HNRNPR: variants seen among roughly 807,000 people sequenced by gnomAD.
HNRNPR encodes heterogeneous nuclear ribonucleoprotein R.
A neutral mutation model predicts 70.3 loss-of-function variants in HNRNPR; 4 were observed. That is an observed-to-expected ratio of 0.06 (90% CI 0.03 to 0.13). HNRNPR has a LOEUF of 0.13. Ranked by LOEUF, HNRNPR falls within the 10% of genes least tolerant of loss-of-function variation. The pLI is 1.00. For synonymous variants in HNRNPR, 241 were observed against 267.6 expected (o/e 0.90, Z 0.97); for missense variants, 423 against 788.5 (o/e 0.54, Z 5.55).
At chr1:23,322,643 T>C (rs1195500672) in intron 6 of HNRNPR, among the ~76,000 whole-genome samples, 1 of 152,100 alleles carries the variant, frequency 6.6e-6, no homozygotes, top group Non-Finnish European at 1.5e-5. Context: ...AACTTAATAT[T>C]AAATAAACAA....
In HNRNPR at chr1:23,322,013, T is replaced by C. The variant is rs1376214171; in HGVS notation, c.676-350A>G. 3.9e-5 allele frequency among the ~76,000 whole-genome samples: 6 copies of C among 152,146 alleles called. No homozygotes were observed. The South Asian group carries it at 8.3e-4, about 21-fold the overall frequency. ...TCATTCAGGGTCCTTGGAAATGTAATTGCATATAGGTAAGCCATACTCAAA... is the reference window on the plus strand; with the variant it reads ...TCATTCAGGGTCCTTGGAAATGTAACTGCATATAGGTAAGCCATACTCAAA... On this transcript the variant is annotated intron_variant, in intron 6 of 10. Transcript: ENST00000302271.
intron 1 of HNRNPR, among the ~76,000 whole-genome samples, chr1:23,343,729 C>A (rs752857005): frequency 6.6e-6 from 1 of 152,232 alleles, no homozygotes; most frequent in Non-Finnish European, 1.5e-5. Flanking sequence ...TCTCCCGGCT[C>A]AGATAACCCT....
At chr1:23,336,855 T>C (rs1203058075) in intron 4 of HNRNPR, among the ~76,000 whole-genome samples, 1 of 152,120 alleles carries the variant, frequency 6.6e-6, no homozygotes, top group Non-Finnish European at 1.5e-5. Flanking sequence ...TGGTCTTTCA[T>C]TAAAAGCTGT....
In HNRNPR at chr1:23,318,847, T is replaced by C; in HGVS notation, c.812-159A>G. 3 of 663,478 alleles carry C rather than the reference T, an allele frequency of 4.5e-6. No homozygotes were observed. The highest frequency in any genetic ancestry group is 7.8e-6 in the Non-Finnish European group (3 of 384,442). The allele number at this position is 663,478 out of a possible 1,614,324, so 41.1% of individuals were successfully genotyped here. On this transcript the variant is annotated intron_variant, in intron 7 of 10. Coordinates refer to ENST00000302271, the MANE Select transcript of HNRNPR (RefSeq NM_005826.5). This position sits in a 1 kb window ranked among gnomAD's most constrained non-coding sequence, Gnocchi z 4.2. ...ACAATTAGATCAACATAATTAGATATGGGGTTTGGGACAGTATTTGATGTT... is the reference window on the plus strand; with the variant it reads ...ACAATTAGATCAACATAATTAGATACGGGGTTTGGGACAGTATTTGATGTT...
At chr1:23,340,642 A>G (rs1190306364) in intron 2 of HNRNPR, among the ~76,000 whole-genome samples, 1 of 152,212 alleles carries the variant, frequency 6.6e-6, no homozygotes, top group Non-Finnish European at 1.5e-5. Flanking sequence ...AACAACTAAG[A>G]CTGCATATTC....
chr1:23,310,573 C>G lies in HNRNPR; in HGVS notation c.1783G>C (p.Gly595Arg). 1 of 1,614,196 alleles carries G rather than the reference C, an allele frequency of 6.2e-7. No homozygotes were observed. Among genetic ancestry groups the G allele is most frequent in the East Asian group, 2.2e-5 (1 of 44,886 alleles). Residue 595 changes from glycine (G) to arginine (R), a missense_variant, in exon 11 of 11, where the codon GGT becomes CGT. This residue lies in a region of HNRNPR where 39 missense variants were observed against 53.2 expected (regional missense o/e 0.73). Coordinates refer to ENST00000302271, the MANE Select transcript of HNRNPR (RefSeq NM_005826.5). The surrounding 1 kb of genome is among the most constrained non-coding windows in gnomAD (Gnocchi z 6.0). Reference protein sequence around the residue: ...RRQTNNQQNWGSQPIAQQPLQ... With the variant: ...RRQTNNQQNWRSQPIAQQPLQ... ...GGCTGCTGAGCGATGGGTTGGGAAC[C>G]CCAGTTCTGTTGGTTGTTGGTCTGA...
intron 7 of HNRNPR, among the ~76,000 whole-genome samples, chr1:23,319,231 T>C (rs929745311): frequency 6.6e-6 from 1 of 152,232 alleles, no homozygotes; most frequent in African/African-American, 2.4e-5. Flanking sequence ...CCTATACCCT[T>C]ATAAATACTT....
intron 5 of HNRNPR, among the ~76,000 whole-genome samples, chr1:23,333,214 C>A (rs1354615002): frequency 6.6e-6 from 1 of 151,908 alleles, no homozygotes; most frequent in African/African-American, 2.4e-5. Flanking sequence ...CAGAATAAAG[C>A]AATTGCGTCT....
chr1:23,309,192 A>G lies in HNRNPR; in HGVS notation c.*1262T>C, dbSNP rs1645252027. ...AGAAAGTCAAAGGTATTACTACTGG[A>G]TATTTTTAAGCCTCTCTTACAAGGC... On this transcript the variant is annotated 3_prime_UTR_variant, in exon 11 of 11. Coordinates refer to ENST00000302271, the MANE Select transcript of HNRNPR (RefSeq NM_005826.5). The G allele has an allele frequency of 6.6e-6, 1 of 152,166 alleles. No individual in the cohort carries two copies. The highest frequency in any genetic ancestry group is 6.5e-5 in the Admixed American group (1 of 15,282). The allele number at this position is 152,166 out of a possible 1,614,324, so 9.4% of individuals were successfully genotyped here.
chr1:23,326,053 G>A (rs890495367), intron 5 of HNRNPR, among the ~76,000 whole-genome samples: 2 of 152,118 alleles, frequency 1.3e-5, no homozygotes, highest in African/African-American at 2.4e-5. Flanking sequence ...GTTGGGGGAA[G>A]AGAGAGGCTC....
At chr1:23,321,163 C>CAAAAAAAAAAAAAAAAAA (rs58123581) in intron 7 of HNRNPR, among the ~76,000 whole-genome samples, 13 of 98,140 alleles carry the variant, frequency 1.3e-4, no homozygotes, top group African/African-American at 5.9e-4. Context: ...AACTCCGTCT[C>CAAAAAAAAAAAAAAAAAA]AAAAAAAAAA....
intron 5 of HNRNPR, among the ~76,000 whole-genome samples, chr1:23,327,193 G>A (rs779140885): frequency 3.3e-5 from 5 of 152,038 alleles, no homozygotes; most frequent in Admixed American, 2.0e-4. Flanking sequence ...GTTGCTCCAC[G>A]TAAATGCCTA....
At chr1:23,338,163 C>T (rs1266181960) in intron 3 of HNRNPR, 1 of 321,488 alleles carries the variant, frequency 3.1e-6, no homozygotes, top group Non-Finnish European at 5.6e-6. Context: ...CCTACATTTT[C>T]CTCCAAGATA....
At chr1:23,343,088 C>A (rs1646765590) in intron 1 of HNRNPR, among the ~76,000 whole-genome samples, 1 of 152,132 alleles carries the variant, frequency 6.6e-6, no homozygotes, top group African/African-American at 2.4e-5. Context: ...CCATTTGAAA[C>A]TCATTCAAAT....
In HNRNPR at chr1:23,322,615, T is replaced by A. The variant is rs147502498; in HGVS notation, c.675+941A>T. Among the ~76,000 whole-genome samples, 475 of 152,294 alleles carry A rather than the reference T, an allele frequency of 3.1e-3. 1 individual carries two copies. The highest frequency in any genetic ancestry group is 0.01 in the Middle Eastern group (3 of 294). The stretch of plus-strand genomic sequence containing the variant: ...TGATTATTAAAAATAAAATCATCCA[T>A]ATGCTGCCAAAAATGAAAACTTAAT... On this transcript the variant is annotated intron_variant, in intron 6 of 10. Transcript: ENST00000302271.
At chr1:23,317,961 C>T (rs1645615268) in intron 8 of HNRNPR, among the ~76,000 whole-genome samples, 1 of 151,606 alleles carries the variant, frequency 6.6e-6, no homozygotes, top group Admixed American at 6.6e-5. Context: ...GCCTGGGCAA[C>T]ACAGCAAGAC....
Position 23,323,676 on chromosome 1 carries a change from A to C in HNRNPR, c.555T>G (p.Phe185Leu). The change falls in exon 6 of 11, where the codon TTT becomes TTG. Residue 185 changes from phenylalanine to leucine, a missense_variant. Phe to Leu is a conservative substitution (Grantham distance 22). Transcript: ENST00000302271. ...GATCCCAAATGGGTCCGGCCTTCTC[A>C]AAAAGGGGCACCAACTCATCCTCAT... ...DLYEDELVPLFEKAGPIWDLR... is the reference protein window; with the variant it reads ...DLYEDELVPLLEKAGPIWDLR... 1 of 1,614,106 alleles carries C rather than the reference A, an allele frequency of 6.2e-7. No individual in the cohort carries two copies. Among genetic ancestry groups the C allele is most frequent in the Non-Finnish European group, 8.5e-7 (1 of 1,179,964 alleles).
At chr1:23,339,432 A>T (rs552084409) in intron 2 of HNRNPR, among the ~76,000 whole-genome samples, 10 of 152,348 alleles carry the variant, frequency 6.6e-5, no homozygotes, top group Admixed American at 4.6e-4. Flanking sequence ...CATATATGTA[A>T]GTATATTCAA....
rs1309370063 is a variant in HNRNPR at position 23,318,270 on chromosome 1, T to G, written c.1017+213A>C. 6.6e-6 allele frequency among the ~76,000 whole-genome samples: 1 copy of G among 152,146 alleles called. No individual in the cohort carries two copies. Among genetic ancestry groups the G allele is most frequent in the Non-Finnish European group, 1.5e-5 (1 of 68,028 alleles). ...GAAGGAATTTCATTTCAGTTCCTTT[T>G]GCACATTTAATCTGCAGGAAAAGGG... On this transcript the variant is annotated intron_variant, in intron 8 of 10. Coordinates refer to ENST00000302271, the MANE Select transcript of HNRNPR (RefSeq NM_005826.5). The surrounding 1 kb of genome is among the most constrained non-coding windows in gnomAD (Gnocchi z 4.2).
Sources: allele counts gnomAD v4.1 joint callset (sites outside exome capture counted in the v4.1 genomes callset), GRCh38; gene constraint gnomAD v4.1.1; regional missense constraint gnomAD v4.1.1; non-coding constraint Gnocchi (gnomAD v3.1); transcripts MANE v1.5; gene names NCBI Gene and HGNC (gene_info 2026-07-23, HGNC 2026-07-21).